UTRN: variants seen among roughly 807,000 people sequenced by gnomAD.
UTRN encodes the protein utrophin.
In UTRN, 283 loss-of-function variants were observed where a neutral mutation model predicts 463.9. The ratio of observed to expected loss-of-function variants is 0.61; its 90% CI spans 0.55 to 0.67. The LOEUF (loss-of-function observed/expected upper bound fraction) is 0.67. Ranked by LOEUF, UTRN falls within the 30% of genes least tolerant of loss-of-function variation. The pLI is 0.00. For missense variants in UTRN, 3,922 were observed against 4,084.3 expected, an observed-to-expected ratio of 0.96 and a Z score of 1.08; for synonymous variants, 1,442 against 1,431.5, an observed-to-expected ratio of 1.01 and a Z score of -0.17.
At chr6:144,365,821 T>G (rs1584460407) in intron 2 of UTRN, among the ~76,000 whole-genome samples, 1 of 152,332 alleles carries the variant, frequency 6.6e-6, no homozygotes, top group Non-Finnish European at 1.5e-5. Flanking sequence ...CACTGCAACC[T>G]CCGCCTCCTG....
chr6:144,670,715 C>G (rs990075675), intron 51 of UTRN, among the ~76,000 whole-genome samples: 7 of 152,092 alleles, frequency 4.6e-5, no homozygotes, highest in Non-Finnish European at 7.4e-5. Flanking sequence ...TTGCCTAAGC[C>G]AATATCTAGA....
At chr6:144,541,847 G>A (rs147305934) in intron 45 of UTRN, among the ~76,000 whole-genome samples, 90 of 152,318 alleles carry the variant, frequency 5.9e-4, no homozygotes, top group Non-Finnish European at 7.2e-4. Context: ...TACGAAGGAT[G>A]AATAAGTATT....
intron 66 of UTRN, among the ~76,000 whole-genome samples, chr6:144,825,653 A>C (rs962584625): frequency 1.3e-5 from 2 of 152,148 alleles, no homozygotes; most frequent in Non-Finnish European, 2.9e-5. Flanking sequence ...AGGTTGATTA[A>C]GACAAAAAAA....
intron 65 of UTRN, among the ~76,000 whole-genome samples, chr6:144,807,914 G>A (rs1339073066): frequency 6.6e-6 from 1 of 152,094 alleles, no homozygotes; most frequent in Non-Finnish European, 1.5e-5. Flanking sequence ...ACTAGTTATA[G>A]AATATTAAAG....
chr6:144,553,650 C>T (rs1472856060), intron 48 of UTRN, among the ~76,000 whole-genome samples: 1 of 152,172 alleles, frequency 6.6e-6, no homozygotes, highest in Non-Finnish European at 1.5e-5. Flanking sequence ...GGTGCGTTGG[C>T]TCATGCCTGT....
At chr6:144,447,379 C>G in intron 15 of UTRN, 61 bp downstream of exon 15, 2 of 1,512,326 alleles carry the variant, frequency 1.3e-6, no homozygotes, top group Non-Finnish European at 1.8e-6. Context: ...TGTTTTATAG[C>G]TAATGGTTAG....
chr6:144,311,012 C>T (rs887564114), intron 2 of UTRN, among the ~76,000 whole-genome samples: 2 of 152,190 alleles, frequency 1.3e-5, no homozygotes, highest in Non-Finnish European at 2.9e-5. Context: ...TTGCCAACTG[C>T]CTTTCCTCTT....
chr6:144,328,982 A>T (rs1351662467), intron 2 of UTRN, among the ~76,000 whole-genome samples: 1 of 151,018 alleles, frequency 6.6e-6, no homozygotes, highest in Non-Finnish European at 1.5e-5. Flanking sequence ...ACGGAGTTAC[A>T]CCATGTTGGC....
Position 144,757,942 on chromosome 6 carries a change from G to C in UTRN, c.8448G>C (p.Leu2816=). Reference sequence around the variant, plus strand: ...TTGTTTCCTCAGCGTCAGTCCAGCTGCCGTGGCAAAGATCCATTTCACATA... The same window carrying C: ...TTGTTTCCTCAGCGTCAGTCCAGCTCCCGTGGCAAAGATCCATTTCACATA... ...SQHFLSTSVQ[L]PWQRSISHNK... Residue 2816 remains leucine (L), a synonymous_variant, in exon 58 of 75, where the codon CTG becomes CTC. Transcript: ENST00000367545. 6.2e-7 allele frequency: 1 copy of C among 1,610,488 alleles called. No homozygotes were observed. Among genetic ancestry groups the C allele is most frequent in the Non-Finnish European group, 8.5e-7 (1 of 1,177,922 alleles).
intron 50 of UTRN, among the ~76,000 whole-genome samples, chr6:144,574,799 C>T (rs12214485): frequency 6.6e-6 from 1 of 152,068 alleles, no homozygotes; most frequent in Non-Finnish European, 1.5e-5. Flanking sequence ...CCAGGCTGGT[C>T]CTGAACTCCT....
chr6:144,515,622 CT>C (rs1478049734), intron 37 of UTRN, among the ~76,000 whole-genome samples: 2 of 152,052 alleles, frequency 1.3e-5, no homozygotes, highest in Non-Finnish European at 2.9e-5. Context: ...TAAATAGGAC[CT>C]TTATGAGAGT....
intron 51 of UTRN, among the ~76,000 whole-genome samples, chr6:144,642,310 A>G (rs1303979886): frequency 1.3e-5 from 2 of 152,114 alleles, no homozygotes; most frequent in African/African-American, 4.8e-5. Context: ...TGTCCTTGTC[A>G]TGTTTAGATC....
intron 58 of UTRN, among the ~76,000 whole-genome samples, chr6:144,767,140 T>C (rs2128730637): frequency 1.3e-5 from 2 of 152,114 alleles, no homozygotes; most frequent in Middle Eastern, 6.8e-3. Flanking sequence ...TGTTTTGGAG[T>C]TTGGGAAAGC....
intron 23 of UTRN, among the ~76,000 whole-genome samples, chr6:144,472,312 CTTTTTTT>C (rs760604326): frequency 7.4e-6 from 1 of 135,046 alleles, no homozygotes; most frequent in Non-Finnish European, 1.6e-5. Flanking sequence ...ACTTTCTTTT[CTTTTTTT>C]TTTTTTTTGG....
intron 54 of UTRN, among the ~76,000 whole-genome samples, chr6:144,731,804 G>A (rs1277965000): frequency 6.6e-6 from 1 of 152,094 alleles, no homozygotes; most frequent in Non-Finnish European, 1.5e-5. Flanking sequence ...TCATTGTTGA[G>A]TCTTCCACTT....
At chr6:144,559,188 A>G (rs945634628) in intron 50 of UTRN, among the ~76,000 whole-genome samples, 1 of 152,106 alleles carries the variant, frequency 6.6e-6, no homozygotes, top group Non-Finnish European at 1.5e-5. Flanking sequence ...AGAGGCAATT[A>G]AAAATGAATT....
chr6:144,287,537 T>A (rs1469843510), intron 1 of UTRN, among the ~76,000 whole-genome samples: 2 of 152,152 alleles, frequency 1.3e-5, no homozygotes, highest in Admixed American at 1.3e-4. Context: ...TCCATCATAA[T>A]GCACACTGTT....
chr6:144,452,264 T>C (rs1242077557), intron 18 of UTRN, among the ~76,000 whole-genome samples: 3 of 152,234 alleles, frequency 2.0e-5, no homozygotes, highest in Admixed American at 2.0e-4. Flanking sequence ...AAGGTTGTTC[T>C]ACCTAGTCAC....
chr6:144,636,668 A>G (rs775977656), intron 51 of UTRN, among the ~76,000 whole-genome samples: 2 of 152,238 alleles, frequency 1.3e-5, no homozygotes, highest in African/African-American at 4.8e-5. Context: ...ATTTTAATAC[A>G]TATTTGCAGA....
Sources: allele counts gnomAD v4.1 joint callset (sites outside exome capture counted in the v4.1 genomes callset), GRCh38; gene constraint gnomAD v4.1.1; transcripts MANE v1.5; gene names NCBI Gene and HGNC (gene_info 2026-07-23, HGNC 2026-07-21).